KLF6: variants seen among roughly 807,000 people sequenced by gnomAD.
The protein encoded by KLF6 is Krueppel-like factor 6.
For missense variants in KLF6, 233 were observed against 359.8 expected, an observed-to-expected ratio of 0.65 and a Z score of 2.85; for synonymous variants, 152 against 147.9, an observed-to-expected ratio of 1.03 and a Z score of -0.20.
At position 3,779,127 on chromosome 10, in the gene KLF6, T is replaced by C. The variant is rs1361380686; in HGVS notation, c.*412A>G. ...TTGGTGGTCATCTCATCTCATGGTA[T>C]ACTCCTTACACACAAAACATTCAAA... On this transcript the variant is annotated 3_prime_UTR_variant, in exon 4 of 4. Coordinates refer to ENST00000497571, the MANE Select transcript of KLF6 (RefSeq NM_001300.6). The C allele has an allele frequency of 5.6e-6, 3 of 538,164 alleles. No homozygotes were observed. Among genetic ancestry groups the C allele is most frequent in the Non-Finnish European group, 1.1e-5 (3 of 278,888 alleles). The allele number at this position is 538,164 out of a possible 1,614,324, so 33.3% of individuals were successfully genotyped here.
In KLF6 at chr10:3,780,482, G is replaced by A; in HGVS notation, c.677-253C>T. 1.8e-6 allele frequency: 1 copy of A among 552,070 alleles called. No homozygotes were observed. The highest frequency in any genetic ancestry group is 3.3e-6 in the Non-Finnish European group (1 of 304,086). The allele number at this position is 552,070 out of a possible 1,614,324, so 34.2% of individuals were successfully genotyped here. Reference sequence around the variant, plus strand: ...ATGGTGCTGTCATCAAAGTTAACGTGGAAGAACGACCACGACTCAGACCAG... The same window carrying A: ...ATGGTGCTGTCATCAAAGTTAACGTAGAAGAACGACCACGACTCAGACCAG... On this transcript the variant is annotated intron_variant, in intron 2 of 3. Coordinates refer to ENST00000497571, the MANE Select transcript of KLF6 (RefSeq NM_001300.6). The surrounding 1 kb of genome is among the most constrained non-coding windows in gnomAD (Gnocchi z 4.6).
At position 3,782,243 on chromosome 10, in the gene KLF6, T is replaced by A. The variant is rs1409849497; in HGVS notation, c.103-29A>T. On this transcript the variant is annotated intron_variant, in intron 1 of 3. Transcript: ENST00000497571. The surrounding 1 kb of genome is among the most constrained non-coding windows in gnomAD (Gnocchi z 4.3). ...TGCAAAATGAACCAGAGAAGGCACGTGATTGCCATGACGACCAAAAGTAAA... is the reference window on the plus strand; with the variant it reads ...TGCAAAATGAACCAGAGAAGGCACGAGATTGCCATGACGACCAAAAGTAAA... The A allele has an allele frequency of 9.6e-6, 15 of 1,569,510 alleles. No homozygotes were observed. The Admixed American group carries it at 2.2e-4, about 23-fold the overall frequency.
rs2131095642 is a variant in KLF6, at chr10:3,780,022, T to C, written c.800+84A>G. 3 of 1,537,582 alleles carry C rather than the reference T, an allele frequency of 2.0e-6. No homozygotes were observed. The highest frequency in any genetic ancestry group is 2.7e-6 in the Non-Finnish European group (3 of 1,113,976). On this transcript the variant is annotated intron_variant, in intron 3 of 3. Coordinates refer to ENST00000497571, the MANE Select transcript of KLF6 (RefSeq NM_001300.6). The surrounding 1 kb of genome is among the most constrained non-coding windows in gnomAD (Gnocchi z 4.6). Reference sequence around the variant, plus strand: ...AGGAAACTGCATGCCTTCCTTCGAATGTGCCCTGCACACCTACTCAACCCT... The same window carrying C: ...AGGAAACTGCATGCCTTCCTTCGAACGTGCCCTGCACACCTACTCAACCCT...
In KLF6 at chr10:3,781,185, C is replaced by T. The variant is rs149558393; in HGVS notation, c.676+456G>A. ...CAATGCTGCTGCTTACAGAGCAGGC[C>T]GGTCCCACTCGGGCCTCGGGCCGTC... On this transcript the variant is annotated intron_variant, in intron 2 of 3. Coordinates refer to ENST00000497571, the MANE Select transcript of KLF6 (RefSeq NM_001300.6). This position sits in a 1 kb window ranked among gnomAD's most constrained non-coding sequence, Gnocchi z 5.8. The T allele has an allele frequency of 4.0e-4, 145 of 362,060 alleles. No individual in the cohort carries two copies. In the East Asian group the frequency reaches 6.3e-3, roughly 16 times the overall value. 22.4% of individuals were successfully genotyped at this position (362,060 alleles called of 1,614,324 possible).
rs200767950 is a variant in KLF6 at position 3,781,889 on chromosome 10, G to A, written c.428C>T (p.Ser143Phe). The A allele has an allele frequency of 2.7e-4, 438 of 1,614,246 alleles. 9 individuals are homozygous for A. In the South Asian group the frequency reaches 4.6e-3, roughly 17 times the overall value. The change falls in exon 2 of 4, where the codon TCT (serine) becomes TTT (phenylalanine). Residue 143 changes from serine to phenylalanine, a missense_variant. Physicochemically the swap from Ser to Phe is radical, Grantham distance 155. Transcript: ENST00000497571. The surrounding 1 kb of genome is among the most constrained non-coding windows in gnomAD (Gnocchi z 5.8). ...VLVSSGKLSS[S>F]VTSTPPSSPE... ...AGAAGATGGAGGCGTGGAGGTGACA[G>A]AGGAGCTCAATTTTCCCGAGCTGAC...
Position 3,785,185 on chromosome 10 carries a change from T to C in KLF6, c.-171A>G, listed in dbSNP as rs1489228782. 5.8e-6 allele frequency: 8 copies of C among 1,390,614 alleles called. No individual in the cohort carries two copies. The highest frequency in any genetic ancestry group is 7.9e-6 in the Non-Finnish European group (8 of 1,016,972). The allele number at this position is 1,390,614 out of a possible 1,614,324, so 86.1% of individuals were successfully genotyped here. On this transcript the variant is annotated 5_prime_UTR_variant, in exon 1 of 4. In the 5' UTR this introduces an upstream ATG that the reference lacks. Transcript: ENST00000497571. Reference sequence around the variant, plus strand: ...CCCGCAGCGCGCGGAGCCCACACAATATTTGCAAACACCGGACTGACTGCA... The same window carrying C: ...CCCGCAGCGCGCGGAGCCCACACAACATTTGCAAACACCGGACTGACTGCA...
At position 3,776,261 on chromosome 10, in the gene KLF6, C is replaced by T; in HGVS notation, c.*3278G>A. The T allele has an allele frequency of 1.9e-6, 1 of 532,242 alleles. No individual in the cohort carries two copies. The allele number at this position is 532,242 out of a possible 1,614,324, so 33.0% of individuals were successfully genotyped here. A position where few individuals can be genotyped will look rare whatever the true frequency, so the allele number is the denominator to read the frequency against. On this transcript the variant is annotated 3_prime_UTR_variant, in exon 4 of 4. Coordinates refer to ENST00000497571, the MANE Select transcript of KLF6 (RefSeq NM_001300.6). The stretch of plus-strand genomic sequence containing the variant: ...TCTGCAATGCATTCCCTGGCTTGAG[C>T]AATGGAAGATCAAACCGGCATGGTT...
rs1832469131 is a variant in KLF6 at position 3,779,313 on chromosome 10, G to C, written c.*226C>G. ...GGCTTAGGCGCCGCTCGGAAGGGCG[G>C]GTACCAGTGGCGAGTCCAGGGTCAC... On this transcript the variant is annotated 3_prime_UTR_variant, in exon 4 of 4. Transcript: ENST00000497571. 1.0e-5 allele frequency: 7 copies of C among 668,820 alleles called. No individual in the cohort carries two copies. The East Asian group carries it at 2.0e-4, about 19-fold the overall frequency. 41.4% of individuals were successfully genotyped at this position (668,820 alleles called of 1,614,324 possible).
Position 3,778,193 on chromosome 10 carries a change from G to T in KLF6, c.*1346C>A, listed in dbSNP as rs763693794. ...AGATTTTTTTTCTGTATTATACGTT[G>T]ATACAGTACACTGCCAGGTGAAACA... On this transcript the variant is annotated 3_prime_UTR_variant, in exon 4 of 4. Transcript: ENST00000497571. 2 of 524,064 alleles carry T rather than the reference G, an allele frequency of 3.8e-6. No homozygotes were observed. Among genetic ancestry groups the T allele is most frequent in the South Asian group, 3.1e-5 (2 of 65,084 alleles). 32.5% of individuals were successfully genotyped at this position (524,064 alleles called of 1,614,324 possible).
Position 3,784,943 on chromosome 10 carries a change from C to T in KLF6, c.72G>A (p.Ala24=). The T allele has an allele frequency of 6.2e-7, 1 of 1,604,824 alleles. No homozygotes were observed. Among genetic ancestry groups the T allele is most frequent in the Non-Finnish European group, 8.5e-7 (1 of 1,174,424 alleles). The change falls in exon 1 of 4, where the codon GCG becomes GCA. Residue 24 remains alanine, a synonymous_variant. Transcript: ENST00000497571. ...GCCAGTACTCCTCCAGAGACGGCAG[C>T]GCCGAGAAGTAGCCGGTCTCGTGCA... is the stretch of plus-strand genomic sequence containing the variant. ...QIVHETGYFS[A]LPSLEEYWQQ... is the part of the protein sequence containing the mutation.
rs376297760 is a variant in KLF6, at chr10:3,779,633, T to C, written c.801-43A>G. ...AAGCACAGAAGAAGTTAGGTTCCCA[T>C]CCCTTGCCAGTGTTCTGGACCAGCG... On this transcript the variant is annotated intron_variant, in intron 3 of 3. Transcript: ENST00000497571. The C allele has an allele frequency of 1.9e-6, 3 of 1,593,332 alleles. No homozygotes were observed. In the African/African-American group the frequency reaches 4.0e-5, roughly 21 times the overall value.
Position 3,782,767 on chromosome 10 carries a change from C to A in KLF6, c.103-553G>T, listed in dbSNP as rs1291677974. 2.6e-5 allele frequency among the ~76,000 whole-genome samples: 4 copies of A among 152,198 alleles called. No homozygotes were observed. The highest frequency in any genetic ancestry group is 9.7e-5 in the African/African-American group (4 of 41,448). ...AGGGCCACACTCGGGGGAGAGGAGA[C>A]AGCAGCTGTCTGTATTCAGGGGCAT... On this transcript the variant is annotated intron_variant, in intron 1 of 3. Transcript: ENST00000497571. This position sits in a 1 kb window ranked among gnomAD's most constrained non-coding sequence, Gnocchi z 4.3.
rs979996085 is a variant in KLF6 at position 3,781,491 on chromosome 10, A to G, written c.676+150T>C. On this transcript the variant is annotated intron_variant, in intron 2 of 3. Transcript: ENST00000497571. The surrounding 1 kb of genome is among the most constrained non-coding windows in gnomAD (Gnocchi z 5.8). ...GGATTCTACTCTGAACTCCAAAAAG[A>G]CCTAATGCTTTGGTGGAAAACATCT... The G allele has an allele frequency of 5.8e-6, 9 of 1,551,220 alleles. No individual in the cohort carries two copies. Among genetic ancestry groups the G allele is most frequent in the Admixed American group, 2.0e-5 (1 of 50,934 alleles).
rs1245153197 is a variant in KLF6 at position 3,777,570 on chromosome 10, G to C, written c.*1969C>G. 2.0e-6 allele frequency: 1 copy of C among 511,222 alleles called. No homozygotes were observed. The highest frequency in any genetic ancestry group is 3.8e-6 in the Non-Finnish European group (1 of 261,738). 31.7% of individuals were successfully genotyped at this position (511,222 alleles called of 1,614,324 possible). A position where few individuals can be genotyped will look rare whatever the true frequency, so the allele number is the denominator to read the frequency against. ...TGGACAGAGCAGACAGCCCGGAACA[G>C]ATTCAAGCAAGAAAGTCCTCCGCAC... On this transcript the variant is annotated 3_prime_UTR_variant, in exon 4 of 4. Coordinates refer to ENST00000497571, the MANE Select transcript of KLF6 (RefSeq NM_001300.6).
At chr10:3,784,769 C>T (rs1171000099) in intron 1 of KLF6, 144 bp downstream of exon 1, 2 of 723,104 alleles carry the variant, frequency 2.8e-6, no homozygotes, top group African/African-American at 1.9e-5. Context: ...GAGGATCGAT[C>T]GGCGGGGGCG....
At position 3,785,178 on chromosome 10, in the gene KLF6, C is replaced by A. The variant is rs1832626021; in HGVS notation, c.-164G>T. ...CCCGCAGCCCGCAGCGCGCGGAGCC[C>A]ACACAATATTTGCAAACACCGGACT... On this transcript the variant is annotated 5_prime_UTR_variant, in exon 1 of 4. Coordinates refer to ENST00000497571, the MANE Select transcript of KLF6 (RefSeq NM_001300.6). 7.0e-7 allele frequency: 1 copy of A among 1,432,586 alleles called. No individual in the cohort carries two copies. The highest frequency in any genetic ancestry group is 9.5e-7 in the Non-Finnish European group (1 of 1,053,888). 88.7% of individuals were successfully genotyped at this position (1,432,586 alleles called of 1,614,324 possible). A position where few individuals can be genotyped will look rare whatever the true frequency, so the allele number is the denominator to read the frequency against.
At position 3,781,579 on chromosome 10, in the gene KLF6, G is replaced by A; in HGVS notation, c.676+62C>T. The A allele has an allele frequency of 1.9e-6, 3 of 1,598,688 alleles. No individual in the cohort carries two copies. Among genetic ancestry groups the A allele is most frequent in the Non-Finnish European group, 2.6e-6 (3 of 1,172,644 alleles). ...TGCAGCCAGGCCCGGCTCCCTCCAG[G>A]GCTGGTGCAATGCAGTGGCGCCCAC... On this transcript the variant is annotated intron_variant, in intron 2 of 3. Transcript: ENST00000497571. This position sits in a 1 kb window ranked among gnomAD's most constrained non-coding sequence, Gnocchi z 5.8.
In KLF6 at chr10:3,782,049, G is replaced by C. The variant is rs1434006255; in HGVS notation, c.268C>G (p.Leu90Val). ...KISSSPPEDTLISPSFCYNLE... is the reference protein window; with the variant it reads ...KISSSPPEDTVISPSFCYNLE... ...TTGTAACAAAAGCTCGGGCTGATGA[G>C]AGTGTCCTCTGGAGGACTGGAAGAT... is the stretch of plus-strand genomic sequence containing the variant. The change falls in exon 2 of 4, where the codon CTC becomes GTC. Residue 90 changes from leucine to valine, a missense_variant. Physicochemically the swap from Leu to Val is conservative, Grantham distance 32. Transcript: ENST00000497571. This position sits in a 1 kb window ranked among gnomAD's most constrained non-coding sequence, Gnocchi z 4.3. 2.5e-6 allele frequency: 4 copies of C among 1,614,096 alleles called. No homozygotes were observed. The Admixed American group carries it at 6.7e-5, about 27-fold the overall frequency.
rs187848594 is a variant in KLF6, at chr10:3,777,269, A to C, written c.*2270T>G. On this transcript the variant is annotated 3_prime_UTR_variant, in exon 4 of 4. Coordinates refer to ENST00000497571, the MANE Select transcript of KLF6 (RefSeq NM_001300.6). Reference sequence around the variant, plus strand: ...CACCCACAAGCCAGCAGCTGGGTGAAATATCAGCTGTCCACGCCGTGGTAT... The same window carrying C: ...CACCCACAAGCCAGCAGCTGGGTGACATATCAGCTGTCCACGCCGTGGTAT... 3 of 516,022 alleles carry C rather than the reference A, an allele frequency of 5.8e-6. No homozygotes were observed. The highest frequency in any genetic ancestry group is 1.1e-5 in the Non-Finnish European group (3 of 265,156). The allele number at this position is 516,022 out of a possible 1,614,324, so 32.0% of individuals were successfully genotyped here.
Sources: allele counts gnomAD v4.1 joint callset (sites outside exome capture counted in the v4.1 genomes callset), GRCh38; gene constraint gnomAD v4.1.1; non-coding constraint Gnocchi (gnomAD v3.1); transcripts MANE v1.5; gene names NCBI Gene and HGNC (gene_info 2026-07-23, HGNC 2026-07-21).